The following EIF2S1 variants were observed in gnomAD, a reference collection of about 807,000 sequenced individuals.
EIF2S1 encodes eukaryotic translation initiation factor 2 subunit 1.
EIF2S1 carries 5 observed loss-of-function variants against 33.5 expected under a neutral mutation model. That is an observed-to-expected ratio of 0.15 (90% CI 0.08 to 0.31). EIF2S1 has a LOEUF of 0.31. Among genes scored for constraint, EIF2S1 ranks in the 10% least tolerant of loss-of-function variants. The probability of loss-of-function intolerance (pLI) is 1.00; values close to 1 mark genes in which losing one functional copy is unlikely to be tolerated. For synonymous variants in EIF2S1, 99 were observed against 127.5 expected, an observed-to-expected ratio of 0.78 and a Z score of 1.51; for missense variants, 191 against 384.6, an observed-to-expected ratio of 0.50 and a Z score of 4.21.
intron 4 of EIF2S1, 95 bp from the exon 5 acceptor site, chr14:67,380,549 ATTAACTATTATATGC>A (rs1343063416): frequency 1.0e-5 from 5 of 484,500 alleles, no homozygotes; most frequent in African/African-American, 4.0e-5. Flanking sequence ...TATTATATGC[ATTAACTATTATATGC>A]TTAACTATTA....
At chr14:67,364,589 G>T in intron 1 of EIF2S1, 178 bp from the exon 2 acceptor site, 1 of 583,770 alleles carries the variant, frequency 1.7e-6, no homozygotes, top group Non-Finnish European at 2.8e-6. Flanking sequence ...TTAAAGCTTG[G>T]TTCCTGAACA....
chr14:67,373,831 T>A (rs1240348708), intron 2 of EIF2S1, among the ~76,000 whole-genome samples: 1 of 141,842 alleles, frequency 7.1e-6, no homozygotes, highest in Non-Finnish European at 1.5e-5. Context: ...TTAGATAGTT[T>A]TAATTTGTTC....
chr14:67,365,787 T>A (rs183076667), intron 2 of EIF2S1, among the ~76,000 whole-genome samples: 1 of 152,350 alleles, frequency 6.6e-6, no homozygotes, highest in Admixed American at 6.5e-5. Context: ...CCCTTCTGAA[T>A]CTCCTCAGCC....
chr14:67,369,936 CAG>C (rs1369814346), intron 2 of EIF2S1, among the ~76,000 whole-genome samples: 9 of 152,298 alleles, frequency 5.9e-5, no homozygotes, highest in East Asian at 1.9e-4. Context: ...AGTGGGAAAT[CAG>C]GGGTCTCACA....
At position 67,383,669 on chromosome 14, in the gene EIF2S1, C is replaced by G. The variant is rs1361921889; in HGVS notation, c.*229C>G. The G allele has an allele frequency of 2.2e-6, 1 of 465,086 alleles. No homozygotes were observed. Among genetic ancestry groups the G allele is most frequent in the African/African-American group, 2.0e-5 (1 of 49,830 alleles). The allele number at this position is 465,086 out of a possible 1,614,324, so 28.8% of individuals were successfully genotyped here. A position where few individuals can be genotyped will look rare whatever the true frequency, so the allele number is the denominator to read the frequency against. On this transcript the variant is annotated 3_prime_UTR_variant, in exon 8 of 8. Transcript: ENST00000256383. ...CATTTTTAAGGGAGTGGCCTCATTTCACTAGAGACAAATCTTTAAGAATAG... is the reference window on the plus strand; with the variant it reads ...CATTTTTAAGGGAGTGGCCTCATTTGACTAGAGACAAATCTTTAAGAATAG...
intron 4 of EIF2S1, 93 bp from the exon 5 acceptor site, chr14:67,380,566 T>C: frequency 1.8e-6 from 1 of 559,736 alleles, no homozygotes; most frequent in Non-Finnish European, 3.0e-6. Context: ...ATTATATGCT[T>C]AACTATTATA....
At chr14:67,362,253 C>G (rs985309118) in intron 1 of EIF2S1, among the ~76,000 whole-genome samples, 4 of 152,076 alleles carry the variant, frequency 2.6e-5, no homozygotes, top group Admixed American at 1.3e-4. Context: ...CTCCTGGTTT[C>G]AAGTGATCCA....
rs780917595 is a variant in EIF2S1, at chr14:67,364,725, C to G, written c.-1-42C>G. On this transcript the variant is annotated intron_variant, in intron 1 of 7. Coordinates refer to ENST00000256383, the MANE Select transcript of EIF2S1 (RefSeq NM_004094.5). ...GAAATTGATTTTTTTTTTATTTTCA[C>G]CTTAACTGAATACTTACTTAATTCT... 3.9e-6 allele frequency: 6 copies of G among 1,557,880 alleles called. 1 individual carries two copies. Among genetic ancestry groups the G allele is most frequent in the Non-Finnish European group, 5.2e-6 (6 of 1,149,522 alleles).
intron 3 of EIF2S1, among the ~76,000 whole-genome samples, chr14:67,376,180 G>T (rs2085857081): frequency 6.6e-6 from 1 of 152,150 alleles, no homozygotes; most frequent in South Asian, 2.1e-4. Context: ...AGTAAGGAGA[G>T]ATGCTAGTTT....
intron 1 of EIF2S1, among the ~76,000 whole-genome samples, chr14:67,362,023 T>C (rs2085745932): frequency 6.6e-6 from 1 of 151,430 alleles, no homozygotes; most frequent in Non-Finnish European, 1.5e-5. Flanking sequence ...TTTTTCTTTT[T>C]TCTTTTTTCT....
chr14:67,372,859 C>T (rs1473300836), intron 2 of EIF2S1, among the ~76,000 whole-genome samples: 1 of 151,922 alleles, frequency 6.6e-6, no homozygotes, highest in African/African-American at 2.4e-5. Context: ...CAAAAAAACC[C>T]TGTATCTAAA....
chr14:67,383,446 T>A lies in EIF2S1; in HGVS notation c.*6T>A. ...AAGCCAAAGCTGAAGATTAACTTTGTGGGAAACAGAGTCCAATTTAAGGAA... is the reference window on the plus strand; with the variant it reads ...AAGCCAAAGCTGAAGATTAACTTTGAGGGAAACAGAGTCCAATTTAAGGAA... On this transcript the variant is annotated 3_prime_UTR_variant, in exon 8 of 8. Coordinates refer to ENST00000256383, the MANE Select transcript of EIF2S1 (RefSeq NM_004094.5). The A allele has an allele frequency of 6.2e-7, 1 of 1,612,658 alleles. No homozygotes were observed. Among genetic ancestry groups the A allele is most frequent in the Non-Finnish European group, 8.5e-7 (1 of 1,178,976 alleles).
chr14:67,372,805 C>T (rs935726981), intron 2 of EIF2S1, among the ~76,000 whole-genome samples: 72 of 148,100 alleles, frequency 4.9e-4, no homozygotes, highest in African/African-American at 1.6e-3. Flanking sequence ...TCCAGCCTGG[C>T]GACAGAGCAA....
chr14:67,372,639 G>A (rs1400270779), intron 2 of EIF2S1, among the ~76,000 whole-genome samples: 1 of 152,088 alleles, frequency 6.6e-6, no homozygotes, highest in African/African-American at 2.4e-5. Flanking sequence ...GACTATCCTG[G>A]CCAACATGGT....
At chr14:67,361,422 C>T (rs1379725458) in intron 1 of EIF2S1, among the ~76,000 whole-genome samples, 1 of 152,188 alleles carries the variant, frequency 6.6e-6, no homozygotes, top group Non-Finnish European at 1.5e-5. Flanking sequence ...TCGGTGATAA[C>T]TTTCTTTTTC....
intron 4 of EIF2S1, among the ~76,000 whole-genome samples, chr14:67,380,146 C>T (rs1194307799): frequency 2.0e-5 from 3 of 152,140 alleles, no homozygotes; most frequent in African/African-American, 7.2e-5. Flanking sequence ...TTTTCATTTG[C>T]TCACTCATTC....
chr14:67,364,615 T>C (rs2141127344), intron 1 of EIF2S1, 152 bp from the exon 2 acceptor site: 1 of 709,768 alleles, frequency 1.4e-6, no homozygotes, highest in East Asian at 3.0e-5. Context: ...TGTTTTCTGG[T>C]ACCACTTAAG....
rs1177665167 is a variant in EIF2S1, at chr14:67,385,517, C to T, written c.*2077C>T. ...TTAAAAATACAATTTCATCTACTCC[C>T]TACTGTACCTTTCACTGATGTCAAG... On this transcript the variant is annotated 3_prime_UTR_variant, in exon 8 of 8. Coordinates refer to ENST00000256383, the MANE Select transcript of EIF2S1 (RefSeq NM_004094.5). 6.6e-6 allele frequency: 1 copy of T among 151,960 alleles called. No individual in the cohort carries two copies. Among genetic ancestry groups the T allele is most frequent in the Non-Finnish European group, 1.5e-5 (1 of 67,994 alleles). The allele number at this position is 151,960 out of a possible 1,614,324, so 9.4% of individuals were successfully genotyped here.
chr14:67,363,840 T>C (rs1311787951), intron 1 of EIF2S1, among the ~76,000 whole-genome samples: 1 of 152,188 alleles, frequency 6.6e-6, no homozygotes, highest in Non-Finnish European at 1.5e-5. Flanking sequence ...CTACCTACGT[T>C]TTGAGCAGTG....
Sources: allele counts gnomAD v4.1 joint callset (sites outside exome capture counted in the v4.1 genomes callset), GRCh38; gene constraint gnomAD v4.1.1; transcripts MANE v1.5; gene names NCBI Gene and HGNC (gene_info 2026-07-23, HGNC 2026-07-21).